RNF130: variants seen among roughly 807,000 people sequenced by gnomAD.
RNF130 encodes the protein ring finger protein 130.
Under a neutral mutation model 44.6 loss-of-function variants are expected in RNF130, and 21 were observed. The observed-to-expected ratio is 0.47, with a 90% CI of 0.33 to 0.68. The LOEUF is 0.68. Among genes scored for constraint, RNF130 ranks in the 30% least tolerant of loss-of-function variants. The probability of loss-of-function intolerance (pLI) is 0.02; values close to 1 mark genes in which losing one functional copy is unlikely to be tolerated. For missense variants in RNF130, 479 were observed against 560.6 expected, an observed-to-expected ratio of 0.85 and a Z score of 1.47; for synonymous variants, 214 against 210.4, an observed-to-expected ratio of 1.02 and a Z score of -0.15.
intron 3 of RNF130, among the ~76,000 whole-genome samples, chr5:180,002,588 C>G (rs1763368913): frequency 6.6e-6 from 1 of 152,064 alleles, no homozygotes; most frequent in South Asian, 2.1e-4. Context: ...TGGTGGGAAC[C>G]CTGGTGGTGA....
At chr5:180,023,241 G>A (rs1001955837) in intron 2 of RNF130, among the ~76,000 whole-genome samples, 2 of 152,220 alleles carry the variant, frequency 1.3e-5, no homozygotes, top group East Asian at 3.8e-4. Flanking sequence ...TTATAGATAT[G>A]TAGATATGCA....
At chr5:180,071,342 TG>T in intron 1 of RNF130, 113 bp downstream of exon 1, 1 of 1,050,482 alleles carries the variant, frequency 9.5e-7, no homozygotes, top group Non-Finnish European at 1.2e-6. Context: ...TGGCTGGGGC[TG>T]TCGGCCGGGC....
chr5:179,951,384 T>G (rs907654886), downstream of RNF130, among the ~76,000 whole-genome samples: 1 of 94,658 alleles, frequency 1.1e-5, no homozygotes, highest in African/African-American at 3.5e-5. Context: ...GCAGAATAGG[T>G]TTTTGTTTTT....
chr5:179,955,728 A>T, intron 8 of RNF130, 59 bp from the exon 9 acceptor site: 1 of 1,403,566 alleles, frequency 7.1e-7, no homozygotes, highest in Non-Finnish European at 9.8e-7. Flanking sequence ...TGTTTAAAAT[A>T]ACAGAGAAGT....
At chr5:179,914,643 G>C (rs890065683) in exon 8 of RNF130, 2 of 152,328 alleles carry the variant, frequency 1.3e-5, no homozygotes, top group South Asian at 4.1e-4. Context: ...GGGTGTTTTG[G>C]GGGAGGGAGG....
intron 2 of RNF130, among the ~76,000 whole-genome samples, chr5:180,015,667 G>A (rs1283487037): frequency 1.4e-5 from 2 of 146,784 alleles, no homozygotes; most frequent in African/African-American, 2.5e-5. Context: ...AAAGGAGTAG[G>A]AAAGGAGTAG....
intron 1 of RNF130, among the ~76,000 whole-genome samples, chr5:180,053,013 T>A (rs1764723954): frequency 6.6e-6 from 1 of 152,150 alleles, no homozygotes; most frequent in Admixed American, 6.5e-5. Flanking sequence ...GGATTTTATG[T>A]CAAGATAATG....
intron 3 of RNF130, among the ~76,000 whole-genome samples, chr5:179,996,053 T>C (rs918141827): frequency 2.0e-5 from 3 of 152,232 alleles, no homozygotes; most frequent in Non-Finnish European, 4.4e-5. Flanking sequence ...TCACTTCTGA[T>C]AGTACTGTCA....
chr5:180,058,837 C>G (rs1292255844), intron 1 of RNF130, among the ~76,000 whole-genome samples: 1 of 152,162 alleles, frequency 6.6e-6, no homozygotes. Context: ...GCTGGGATTA[C>G]AGGCTGAGCC....
chr5:179,942,854 C>T (rs1445493079), intron 7 of RNF130, among the ~76,000 whole-genome samples: 1 of 152,166 alleles, frequency 6.6e-6, no homozygotes, highest in East Asian at 1.9e-4. Flanking sequence ...TAACTCTCTC[C>T]TGTGGATATA....
intron 3 of RNF130, among the ~76,000 whole-genome samples, chr5:179,989,999 TTC>T (rs1763041930): frequency 6.6e-6 from 1 of 152,206 alleles, no homozygotes; most frequent in African/African-American, 2.4e-5. Context: ...TGGTGATGAA[TTC>T]TCTTAGTGTT....
In RNF130 at chr5:180,013,163, G is replaced by C; in HGVS notation, c.591C>G (p.Phe197Leu). 2.5e-6 allele frequency: 4 copies of C among 1,614,006 alleles called. No homozygotes were observed. Among genetic ancestry groups the C allele is most frequent in the Non-Finnish European group, 3.4e-6 (4 of 1,180,004 alleles). The part of the protein sequence containing the change: ...PKNFSRGSLV[F>L]VSISFIVLMI... ...TCAAAACAATAAAGGATATTGACAC[G>C]AAGACTAGAGAGCCACGGCTGAAGT... The change falls in exon 3 of 9, where the codon TTC (phenylalanine) becomes TTG (leucine). Residue 197 changes from phenylalanine (F) to leucine (L), a missense_variant. Coordinates refer to ENST00000521389, the MANE Select transcript of RNF130 (RefSeq NM_018434.6).
At chr5:179,927,586 C>CTTTTTTTT (rs5873673) in intron 7 of RNF130, among the ~76,000 whole-genome samples, 1 of 112,172 alleles carries the variant, frequency 8.9e-6, no homozygotes, top group East Asian at 3.1e-4. Context: ...TTAGCTTTGT[C>CTTTTTTTT]TTTTTTTTTT....
intron 1 of RNF130, among the ~76,000 whole-genome samples, chr5:180,063,066 A>G (rs986679802): frequency 6.6e-6 from 1 of 152,210 alleles, no homozygotes; most frequent in Non-Finnish European, 1.5e-5. Context: ...TAGACCAGGT[A>G]GTGAACACCT....
intron 7 of RNF130, chr5:179,963,817 G>A: frequency 2.1e-6 from 1 of 485,344 alleles, no homozygotes; most frequent in Non-Finnish European, 3.7e-6. Context: ...TGAGGTCTGT[G>A]AGGAGTGTAG....
intron 6 of RNF130, among the ~76,000 whole-genome samples, chr5:179,968,852 G>A (rs756040298): frequency 4.5e-4 from 69 of 152,104 alleles, no homozygotes; most frequent in Non-Finnish European, 7.9e-4. Context: ...AGATGCTGCT[G>A]AACGGTCTAC....
intron 7 of RNF130, among the ~76,000 whole-genome samples, chr5:179,932,503 G>T (rs995105938): frequency 1.3e-5 from 2 of 151,410 alleles, no homozygotes; most frequent in Admixed American, 6.6e-5. Flanking sequence ...CAAATGATCC[G>T]CCCGCCTCAG....
downstream of RNF130, among the ~76,000 whole-genome samples, chr5:179,952,658 G>A (rs1762144367): frequency 1.3e-5 from 2 of 152,084 alleles, no homozygotes; most frequent in African/African-American, 2.4e-5. Flanking sequence ...ATGACCAAGT[G>A]GGATTTGTCC....
chr5:180,047,354 T>C (rs140611478), intron 1 of RNF130, among the ~76,000 whole-genome samples: 40 of 152,378 alleles, frequency 2.6e-4, no homozygotes, highest in Middle Eastern at 6.8e-3. Context: ...TCCACTTCCA[T>C]GGATATAACT....
Sources: allele counts gnomAD v4.1 joint callset (sites outside exome capture counted in the v4.1 genomes callset), GRCh38; gene constraint gnomAD v4.1.1; transcripts MANE v1.5; gene names NCBI Gene and HGNC (gene_info 2026-07-23, HGNC 2026-07-21).